KCNMA1: variants seen among roughly 807,000 people sequenced by gnomAD.
KCNMA1 encodes the protein potassium calcium-activated channel subfamily M alpha 1.
KCNMA1 carries 29 observed loss-of-function variants against 140.0 expected under a neutral mutation model. The ratio of observed to expected loss-of-function variants is 0.21; its 90% confidence interval spans 0.15 to 0.28. The LOEUF is 0.28. KCNMA1 is among the 10% of genes least tolerant of loss of function. The pLI is 1.00. For missense variants in KCNMA1, 880 were observed against 1,602.2 expected (o/e 0.55, Z 7.70); for synonymous variants, 612 against 611.9 (o/e 1.00, Z 0.00).
intron 1 of KCNMA1, among the ~76,000 whole-genome samples, chr10:77,585,941 T>C (rs945371483): frequency 6.6e-6 from 1 of 152,192 alleles, no homozygotes; most frequent in Admixed American, 6.5e-5. Flanking sequence ...AAAACCTTTT[T>C]CTCATAAGCC....
chr10:77,427,793 A>T (rs2097056640), intron 1 of KCNMA1, among the ~76,000 whole-genome samples: 1 of 151,786 alleles, frequency 6.6e-6, no homozygotes, highest in Non-Finnish European at 1.5e-5. Flanking sequence ...TCTGTCACCC[A>T]GGCTGGAGTG....
chr10:77,583,389 T>C (rs1201916517), intron 1 of KCNMA1, among the ~76,000 whole-genome samples: 1 of 152,218 alleles, frequency 6.6e-6, no homozygotes, highest in Non-Finnish European at 1.5e-5. Flanking sequence ...TAGAGCATGG[T>C]TGAATATTTC....
intron 2 of KCNMA1, among the ~76,000 whole-genome samples, chr10:77,296,908 T>TGGGG (rs781675116): frequency 2.1e-4 from 17 of 80,270 alleles, no homozygotes; most frequent in Admixed American, 1.0e-3. Flanking sequence ...CCTGGGTGTG[T>TGGGG]GGGCGGGGGG....
At chr10:77,154,464 C>T (rs182845834) in intron 5 of KCNMA1, among the ~76,000 whole-genome samples, 51 of 152,226 alleles carry the variant, frequency 3.4e-4, no homozygotes, top group African/African-American at 1.2e-3. Context: ...AGCCCTGATT[C>T]CAATTCTTCA....
intron 14 of KCNMA1, among the ~76,000 whole-genome samples, chr10:77,044,493 T>A (rs1344062177): frequency 6.6e-6 from 1 of 151,742 alleles, no homozygotes; most frequent in Non-Finnish European, 1.5e-5. Flanking sequence ...TACAAAAAAT[T>A]AAAAAATTTG....
At chr10:77,073,000 G>T in intron 14 of KCNMA1, 97 bp downstream of exon 14, 3 of 1,177,496 alleles carry the variant, frequency 2.5e-6, no homozygotes, top group South Asian at 2.5e-5. Context: ...AGTGGTTAGA[G>T]CCCGTCGATC....
At chr10:77,358,210 C>T (rs868724779) in intron 2 of KCNMA1, among the ~76,000 whole-genome samples, 40 of 152,232 alleles carry the variant, frequency 2.6e-4, no homozygotes, top group Non-Finnish European at 3.8e-4. Context: ...CCTCTCTCTC[C>T]GGCTGTTCTC....
intron 19 of KCNMA1, among the ~76,000 whole-genome samples, chr10:76,993,090 G>A (rs913686136): frequency 2.0e-5 from 3 of 152,184 alleles, no homozygotes; most frequent in Admixed American, 6.5e-5. Flanking sequence ...GAGCCTCAGC[G>A]CTGGCCAGCT....
chr10:77,487,882 G>A (rs1272949218), intron 1 of KCNMA1, among the ~76,000 whole-genome samples: 1 of 152,110 alleles, frequency 6.6e-6, no homozygotes, highest in Admixed American at 6.5e-5. Flanking sequence ...TACAAAGTCA[G>A]GAGTCCCCAG....
chr10:77,338,755 T>C (rs1035600456), intron 2 of KCNMA1, among the ~76,000 whole-genome samples: 8 of 152,216 alleles, frequency 5.3e-5, no homozygotes, highest in Admixed American at 4.6e-4. Flanking sequence ...GATGATGTCA[T>C]TTGTGAAATG....
chr10:77,430,145 T>C (rs891893372), intron 1 of KCNMA1, among the ~76,000 whole-genome samples: 89 of 152,282 alleles, frequency 5.8e-4, no homozygotes, highest in African/African-American at 2.0e-3. Context: ...CCTAAACAGA[T>C]TGCTGCAAGA....
At chr10:77,588,458 T>C (rs2077954409) in intron 1 of KCNMA1, among the ~76,000 whole-genome samples, 1 of 152,138 alleles carries the variant, frequency 6.6e-6, no homozygotes, top group South Asian at 2.1e-4. Flanking sequence ...GGCCCTGATA[T>C]TTTATCATAT....
rs1595745045 is a variant in KCNMA1, at chr10:77,090,303, G to C, written c.1334+97C>G. 3.4e-6 allele frequency: 3 copies of C among 875,024 alleles called. No individual in the cohort carries two copies. The East Asian group carries it at 7.3e-5, about 21-fold the overall frequency. 54.2% of individuals were successfully genotyped at this position (875,024 alleles called of 1,614,324 possible). A position where few individuals can be genotyped will look rare whatever the true frequency, so the allele number is the denominator to read the frequency against. ...ACCCAACTCTGGCCCCATCCCCAGT[G>C]CCATTCCCCAAGACCTCCACTCTTA... On this transcript the variant is annotated intron_variant, in intron 10 of 27. Transcript: ENST00000286628.
At chr10:77,564,041 T>C (rs77368473) in intron 1 of KCNMA1, among the ~76,000 whole-genome samples, 2,231 of 152,304 alleles carry the variant, frequency 0.015, 60 homozygotes, top group African/African-American at 0.051. Context: ...ATTAGGCACA[T>C]GGCACAGTGC....
intron 1 of KCNMA1, chr10:77,499,005 C>G (rs1270831213): frequency 2.0e-5 from 3 of 152,180 alleles, no homozygotes; most frequent in Non-Finnish European, 4.4e-5. Context: ...ACAAACAAAG[C>G]ACATGCCCCT....
chr10:77,244,054 G>A (rs1197895971), intron 3 of KCNMA1, among the ~76,000 whole-genome samples: 1 of 152,184 alleles, frequency 6.6e-6, no homozygotes, highest in East Asian at 1.9e-4. Context: ...GGCATAAAAA[G>A]ACAATATATA....
chr10:77,028,737 A>T (rs537282676), intron 15 of KCNMA1, among the ~76,000 whole-genome samples: 29 of 152,324 alleles, frequency 1.9e-4, no homozygotes, highest in African/African-American at 6.7e-4. Flanking sequence ...CTCCTTAACC[A>T]GAGCAACTTC....
chr10:77,038,610 C>T lies in KCNMA1; in HGVS notation c.1859+918G>A, dbSNP rs927523541. ...GCTGGAATGCAGTTGCGTAATCAAC[C>T]TCCTGGGCAGCCTCAACCTCCTGGG... On this transcript the variant is annotated intron_variant, in intron 15 of 27. Coordinates refer to ENST00000286628, the MANE Select transcript of KCNMA1 (RefSeq NM_001161352.2). Among the ~76,000 whole-genome samples the T allele has an allele frequency of 1.1e-4, 17 of 152,106 alleles. 1 individual carries two copies. The highest frequency in any genetic ancestry group is 1.3e-4 in the Admixed American group (2 of 15,270).
chr10:77,335,180 T>C (rs1360631051), intron 2 of KCNMA1, among the ~76,000 whole-genome samples: 3 of 152,198 alleles, frequency 2.0e-5, no homozygotes, highest in Admixed American at 2.0e-4. Flanking sequence ...CTCATCCTTA[T>C]GGAAGCACAA....
Sources: allele counts gnomAD v4.1 joint callset (sites outside exome capture counted in the v4.1 genomes callset), GRCh38; gene constraint gnomAD v4.1.1; transcripts MANE v1.5; gene names NCBI Gene and HGNC (gene_info 2026-07-23, HGNC 2026-07-21).